XAB2: variants seen among roughly 807,000 people sequenced by gnomAD.
XAB2 encodes pre-mRNA-splicing factor SYF1.
Under a neutral mutation model 113.4 loss-of-function variants are expected in XAB2, and 57 were observed. That is an observed-to-expected ratio of 0.50 (90% CI 0.41 to 0.63). The LOEUF is 0.63. XAB2 is among the 20% of genes least tolerant of loss of function. The pLI, the probability that XAB2 is intolerant of heterozygous loss-of-function variation, is 0.00. For missense variants in XAB2, 1,037 were observed against 1,233.3 expected, an observed-to-expected ratio of 0.84 and a Z score of 2.38; for synonymous variants, 497 against 498.8, an observed-to-expected ratio of 1.00 and a Z score of 0.05.
At chr19:7,621,095 G>GCCCCCCCCCCCCCCCC in intron 13 of XAB2, 40 bp downstream of exon 13, 20 of 1,486,216 alleles carry the variant, frequency 1.3e-5, no homozygotes, top group Non-Finnish European at 1.5e-5. Context: ...CAGAAACCCA[G>GCCCCCCCCCCCCCCCC]CCCGCCCGCC....
chr19:7,622,402 C>G lies in XAB2; in HGVS notation c.1546G>C (p.Ala516Pro). 1 of 1,614,160 alleles carries G rather than the reference C, an allele frequency of 6.2e-7. No individual in the cohort carries two copies. Among genetic ancestry groups the G allele is most frequent in the Non-Finnish European group, 8.5e-7 (1 of 1,180,034 alleles). ...TAGTTGATGACGATCTGGGGTGTTG[C>G]GATACGCAGGTCCAGGATGCGGTCG... ...VYDRILDLRI[A>P]TPQIVINYAM... The change falls in exon 12 of 19, where the codon GCA becomes CCA. Residue 516 changes from alanine to proline, a missense_variant. By Grantham distance (27) the Ala-to-Pro change is conservative. Transcript: ENST00000358368.
intron 12 of XAB2, 115 bp downstream of exon 12, chr19:7,622,216 G>T: frequency 2.0e-6 from 2 of 994,980 alleles, no homozygotes; most frequent in Non-Finnish European, 1.5e-6. Flanking sequence ...TGTTGTTTAA[G>T]TCACCCAGTC....
At position 7,622,882 on chromosome 19, in the gene XAB2, G is replaced by A. The variant is rs745907763; in HGVS notation, c.1251C>T (p.Ile417=). Residue 417 remains isoleucine, a synonymous_variant, in exon 10 of 19, where the codon ATC becomes ATT. Transcript: ENST00000358368. Reference sequence around the variant, plus strand: ...AGTTCACCTTGGTGGCCTTCTCCAGGATGACACGGGCCTGCCGGGGCGGGC... The same window carrying A: ...AGTTCACCTTGGTGGCCTTCTCCAGAATGACACGGGCCTGCCGGGGCGGGC... The part of the protein sequence containing the change: ...DNGQLDDARV[I]LEKATKVNFK... 2.5e-6 allele frequency: 4 copies of A among 1,613,712 alleles called. No individual in the cohort carries two copies. In the South Asian group the frequency reaches 4.4e-5, roughly 18 times the overall value.
chr19:7,624,016 G>A lies in XAB2; in HGVS notation c.968-134C>T. On this transcript the variant is annotated intron_variant, in intron 7 of 18. Coordinates refer to ENST00000358368, the MANE Select transcript of XAB2 (RefSeq NM_020196.3). The surrounding 1 kb of genome is among the most constrained non-coding windows in gnomAD (Gnocchi z 4.2). ...CTCTGGGCCCTAGACACTCAGCTCG[G>A]GTGTCCACCTGAGCCCCACCCCCAG... 1 of 1,176,018 alleles carries A rather than the reference G, an allele frequency of 8.5e-7. No homozygotes were observed. Among genetic ancestry groups the A allele is most frequent in the Non-Finnish European group, 1.2e-6 (1 of 858,846 alleles). The allele number at this position is 1,176,018 out of a possible 1,614,324, so 72.8% of individuals were successfully genotyped here. A position where few individuals can be genotyped will look rare whatever the true frequency, so the allele number is the denominator to read the frequency against.
Position 7,624,994 on chromosome 19 carries a change from C to T in XAB2, c.823-549G>A, listed in dbSNP as rs1419414456. ...GGCCTACACGTGCCCCTGGAAGGGG[C>T]GCTGCGAAGCGCATACCGCCCACAC... is the stretch of plus-strand genomic sequence containing the variant. On this transcript the variant is annotated intron_variant, in intron 6 of 18. Coordinates refer to ENST00000358368, the MANE Select transcript of XAB2 (RefSeq NM_020196.3). This position sits in a 1 kb window ranked among gnomAD's most constrained non-coding sequence, Gnocchi z 4.2. Among the ~76,000 whole-genome samples, 4 of 152,242 alleles carry T rather than the reference C, an allele frequency of 2.6e-5. No homozygotes were observed. The highest frequency in any genetic ancestry group is 4.4e-5 in the Non-Finnish European group (3 of 68,040).
At position 7,623,050 on chromosome 19, in the gene XAB2, A is replaced by C; in HGVS notation, c.1239+120T>G. The C allele has an allele frequency of 3.2e-6, 5 of 1,546,846 alleles. No homozygotes were observed. The highest frequency in any genetic ancestry group is 2.3e-5 in the East Asian group (1 of 43,234). ...TGCGTGCACATATGCATGCACCCAAATGCACATGCACACACACGTGCACAC... is the reference window on the plus strand; with the variant it reads ...TGCGTGCACATATGCATGCACCCAACTGCACATGCACACACACGTGCACAC... On this transcript the variant is annotated intron_variant, in intron 9 of 18. Coordinates refer to ENST00000358368, the MANE Select transcript of XAB2 (RefSeq NM_020196.3). This position sits in a 1 kb window ranked among gnomAD's most constrained non-coding sequence, Gnocchi z 4.6.
rs368794166 is a variant in XAB2, at chr19:7,620,475, G to T, written c.2095-29C>A. Reference sequence around the variant, plus strand: ...CGTGGGGGGCAGGGCAGGGGTGGGTGTGTGTGCCCGTGAGCTGGCTGACTC... The same window carrying T: ...CGTGGGGGGCAGGGCAGGGGTGGGTTTGTGTGCCCGTGAGCTGGCTGACTC... On this transcript the variant is annotated intron_variant, in intron 15 of 18. Transcript: ENST00000358368. The T allele has an allele frequency of 6.4e-5, 103 of 1,608,122 alleles. 1 individual carries two copies. Among genetic ancestry groups the T allele is most frequent in the Non-Finnish European group, 8.3e-5 (98 of 1,177,182 alleles).
rs186342797 is a variant in XAB2 at position 7,628,887 on chromosome 19, C to T, written c.52-589G>A. ...GAAATTAAAAGCTAGGCCTTTATCT[C>T]ACAGGAGGAGTTATACACCAGAAGC... On this transcript the variant is annotated intron_variant, in intron 1 of 18. Coordinates refer to ENST00000358368, the MANE Select transcript of XAB2 (RefSeq NM_020196.3). The surrounding 1 kb of genome is among the most constrained non-coding windows in gnomAD (Gnocchi z 4.6). Among the ~76,000 whole-genome samples the T allele has an allele frequency of 3.5e-4, 53 of 152,350 alleles. No homozygotes were observed. Among genetic ancestry groups the T allele is most frequent in the Middle Eastern group, 3.4e-3 (1 of 294 alleles).
chr19:7,623,714 G>A lies in XAB2; in HGVS notation c.1119+17C>T, dbSNP rs779382980. ...AAACTGGCCCTCAGGGGTAGGACTG[G>A]GGCAGGCTTCATGTACCTCCCGGGG... On this transcript the variant is annotated intron_variant, in intron 8 of 18. Transcript: ENST00000358368. This position sits in a 1 kb window ranked among gnomAD's most constrained non-coding sequence, Gnocchi z 4.6. 1.3e-6 allele frequency: 2 copies of A among 1,580,884 alleles called. No individual in the cohort carries two copies. The highest frequency in any genetic ancestry group is 1.7e-6 in the Non-Finnish European group (2 of 1,165,992).
chr19:7,625,009 A>T lies in XAB2; in HGVS notation c.823-564T>A, dbSNP rs971598740. Among the ~76,000 whole-genome samples, 7 of 152,152 alleles carry T rather than the reference A, an allele frequency of 4.6e-5. No individual in the cohort carries two copies. Among genetic ancestry groups the T allele is most frequent in the Non-Finnish European group, 8.8e-5 (6 of 68,016 alleles). On this transcript the variant is annotated intron_variant, in intron 6 of 18. Transcript: ENST00000358368. This position sits in a 1 kb window ranked among gnomAD's most constrained non-coding sequence, Gnocchi z 5.2. ...CTGGAAGGGGCGCTGCGAAGCGCAT[A>T]CCGCCCACACCCCACTGGCGGCTCC...
At chr19:7,622,246 G>A in intron 12 of XAB2, 85 bp downstream of exon 12, 2 of 1,260,872 alleles carry the variant, frequency 1.6e-6, no homozygotes, top group Non-Finnish European at 1.2e-6. Context: ...TGTCACACAA[G>A]CCCCAGCAGA....
Position 7,623,717 on chromosome 19 carries a change from C to A in XAB2, c.1119+14G>T. The A allele has an allele frequency of 6.3e-7, 1 of 1,582,340 alleles. No homozygotes were observed. Among genetic ancestry groups the A allele is most frequent in the East Asian group, 2.2e-5 (1 of 44,604 alleles). On this transcript the variant is annotated intron_variant, in intron 8 of 18. Transcript: ENST00000358368. The surrounding 1 kb of genome is among the most constrained non-coding windows in gnomAD (Gnocchi z 4.6). ...CTGGCCCTCAGGGGTAGGACTGGGG[C>A]AGGCTTCATGTACCTCCCGGGGGCG...
Position 7,623,914 on chromosome 19 carries a change from G to A in XAB2, c.968-32C>T. On this transcript the variant is annotated intron_variant, in intron 7 of 18. Coordinates refer to ENST00000358368, the MANE Select transcript of XAB2 (RefSeq NM_020196.3). The surrounding 1 kb of genome is among the most constrained non-coding windows in gnomAD (Gnocchi z 4.6). ...GCCGCGAACATGTTTGTCAGGGGCG[G>A]AGACCCAGGATGCAGGTCCCCGGAT... 4 of 1,513,822 alleles carry A rather than the reference G, an allele frequency of 2.6e-6. No homozygotes were observed. Among genetic ancestry groups the A allele is most frequent in the Non-Finnish European group, 3.5e-6 (4 of 1,133,244 alleles). 93.8% of individuals were successfully genotyped at this position (1,513,822 alleles called of 1,614,324 possible). A position where few individuals can be genotyped will look rare whatever the true frequency, so the allele number is the denominator to read the frequency against.
chr19:7,627,571 G>T lies in XAB2; in HGVS notation c.325-131C>A. On this transcript the variant is annotated intron_variant, in intron 3 of 18. Coordinates refer to ENST00000358368, the MANE Select transcript of XAB2 (RefSeq NM_020196.3). This position sits in a 1 kb window ranked among gnomAD's most constrained non-coding sequence, Gnocchi z 4.5. ...ATGCGGCGGGACCCAGAAACCCCCA[G>T]CTCCAGGACTGAGTCCAGCCCAACT... 6.6e-7 allele frequency: 1 copy of T among 1,506,460 alleles called. No individual in the cohort carries two copies. The highest frequency in any genetic ancestry group is 9.0e-7 in the Non-Finnish European group (1 of 1,111,434). The allele number at this position is 1,506,460 out of a possible 1,614,324, so 93.3% of individuals were successfully genotyped here. A position where few individuals can be genotyped will look rare whatever the true frequency, so the allele number is the denominator to read the frequency against.
chr19:7,626,401 C>A, intron 4 of XAB2, 131 bp from the exon 5 acceptor site: 1 of 1,321,508 alleles, frequency 7.6e-7, no homozygotes, highest in Non-Finnish European at 1.0e-6. Flanking sequence ...CCCTGTCAAA[C>A]CAGCCTCAGC....
intron 1 of XAB2, among the ~76,000 whole-genome samples, chr19:7,629,133 CAA>C (rs2031204372): frequency 6.6e-6 from 1 of 152,172 alleles, no homozygotes; most frequent in South Asian, 2.1e-4. Flanking sequence ...GCCTCGTAAG[CAA>C]GCCTTTACTT....
rs1369794266 is a variant in XAB2 at position 7,627,926 on chromosome 19, T to G, written c.201-75A>C. The G allele has an allele frequency of 1.9e-6, 3 of 1,567,408 alleles. No homozygotes were observed. The highest frequency in any genetic ancestry group is 2.6e-6 in the Non-Finnish European group (3 of 1,152,866). ...CCCAGAACCATTTGCCCTGCCCCAG[T>G]TGGCAAATGTGGGAAGAAGGGGTGT... On this transcript the variant is annotated intron_variant, in intron 2 of 18. Transcript: ENST00000358368. This position sits in a 1 kb window ranked among gnomAD's most constrained non-coding sequence, Gnocchi z 4.5.
Position 7,627,520 on chromosome 19 carries a change from G to A in XAB2, c.325-80C>T. ...CACAGACACTCGATGTCCTGTGGCT[G>A]AGCCACACCTGGGGCCACCACATAA... On this transcript the variant is annotated intron_variant, in intron 3 of 18. Transcript: ENST00000358368. This position sits in a 1 kb window ranked among gnomAD's most constrained non-coding sequence, Gnocchi z 4.5. 2 of 1,539,464 alleles carry A rather than the reference G, an allele frequency of 1.3e-6. No individual in the cohort carries two copies. The highest frequency in any genetic ancestry group is 1.8e-6 in the Non-Finnish European group (2 of 1,130,948).
In XAB2 at chr19:7,619,650, G is replaced by A. The variant is rs921264732; in HGVS notation, c.2507-3C>T. The A allele has an allele frequency of 1.9e-6, 3 of 1,603,758 alleles. No homozygotes were observed. The highest frequency in any genetic ancestry group is 1.3e-5 in the African/African-American group (1 of 74,808). On this transcript the variant is annotated splice_region_variant and splice_polypyrimidine_tract_variant and intron_variant, in intron 18 of 18. Coordinates refer to ENST00000358368, the MANE Select transcript of XAB2 (RefSeq NM_020196.3). ...GCTCTGCTGCTCCAGCCGAACCTCT[G>A]TGGGGAAGGCGGGAGCCAGTCACCC... is the stretch of plus-strand genomic sequence containing the variant.
Sources: allele counts gnomAD v4.1 joint callset (sites outside exome capture counted in the v4.1 genomes callset), GRCh38; gene constraint gnomAD v4.1.1; non-coding constraint Gnocchi (gnomAD v3.1); transcripts MANE v1.5; gene names NCBI Gene and HGNC (gene_info 2026-07-23, HGNC 2026-07-21).